The following MED31 variants were observed in gnomAD, a reference collection of about 807,000 sequenced individuals.
The protein encoded by MED31 is mediator complex subunit 31.
MED31 carries 11 observed loss-of-function variants against 22.0 expected under a neutral mutation model. That is an observed-to-expected ratio of 0.50 (90% CI 0.31 to 0.83). The LOEUF (loss-of-function observed/expected upper bound fraction) is 0.83, where lower values mean the gene tolerates loss of function less well. Ranked by LOEUF, MED31 falls within the 40% of genes least tolerant of loss-of-function variation. MED31 has a pLI of 0.04. For missense variants in MED31, 122 were observed against 155.3 expected (o/e 0.79, Z 1.14); for synonymous variants, 60 against 55.1 (o/e 1.09, Z -0.40).
At chr17:6,646,944 A>T (rs1430865978) in intron 3 of MED31, among the ~76,000 whole-genome samples, 1 of 152,210 alleles carries the variant, frequency 6.6e-6, no homozygotes, top group Non-Finnish European at 1.5e-5. Context: ...CTGAGATAGG[A>T]GAAAACCGCC....
At chr17:6,651,458 A>C (rs1435542874) in intron 1 of MED31, 43 bp downstream of exon 1, 1 of 1,613,494 alleles carries the variant, frequency 6.2e-7, no homozygotes, top group Non-Finnish European at 8.5e-7. Context: ...TGGGTCAAGG[A>C]GAGTTCCATC....
At chr17:6,649,666 T>C (rs995889630) in intron 3 of MED31, among the ~76,000 whole-genome samples, 1 of 152,178 alleles carries the variant, frequency 6.6e-6, no homozygotes, top group Non-Finnish European at 1.5e-5. Context: ...GGAAAGCCAT[T>C]GAAAGGTTCT....
chr17:6,648,726 C>G (rs1226956151), intron 3 of MED31, among the ~76,000 whole-genome samples: 1 of 152,190 alleles, frequency 6.6e-6, no homozygotes, highest in Non-Finnish European at 1.5e-5. Flanking sequence ...CATCCAGGGA[C>G]AAACAGACTG....
chr17:6,649,302 G>C (rs1418215626), intron 3 of MED31, among the ~76,000 whole-genome samples: 2 of 151,400 alleles, frequency 1.3e-5, no homozygotes, highest in Admixed American at 6.6e-5. Flanking sequence ...GCCTTAACAT[G>C]AAAGTGTCTG....
At chr17:6,644,797 G>T in intron 3 of MED31, 138 bp from the exon 4 acceptor site, 1 of 1,044,820 alleles carries the variant, frequency 9.6e-7, no homozygotes, top group Non-Finnish European at 1.3e-6. Context: ...GGTAGCATAG[G>T]GTTTTTTCCC....
intron 3 of MED31, among the ~76,000 whole-genome samples, chr17:6,645,581 C>T: frequency 6.6e-6 from 1 of 152,104 alleles, no homozygotes. Context: ...TATTCAGGAG[C>T]CAACTTGAAG....
At chr17:6,646,724 C>T (rs1257958914) in intron 3 of MED31, among the ~76,000 whole-genome samples, 1 of 152,218 alleles carries the variant, frequency 6.6e-6, no homozygotes, top group Non-Finnish European at 1.5e-5. Context: ...CCAGGTTTCC[C>T]CCAACTGAGA....
intron 3 of MED31, among the ~76,000 whole-genome samples, chr17:6,649,204 TG>T: frequency 1.3e-5 from 1 of 74,080 alleles, no homozygotes; most frequent in African/African-American, 1.0e-4. Context: ...CAAGGTGGGT[TG>T]GTTTTTTTTG....
In MED31 at chr17:6,644,319, A is replaced by G. The variant is rs986178273; in HGVS notation, c.*148T>C. 1.1e-5 allele frequency: 9 copies of G among 834,814 alleles called. No homozygotes were observed. The highest frequency in any genetic ancestry group is 1.4e-5 in the Non-Finnish European group (8 of 586,948). 51.7% of individuals were successfully genotyped at this position (834,814 alleles called of 1,614,324 possible). ...GTTTAACAGAAATAGTCTATTAACA[A>G]TAAAAAGTTGGATGAAAAAGCACAC... On this transcript the variant is annotated 3_prime_UTR_variant, in exon 4 of 4. Transcript: ENST00000225728.
At chr17:6,645,458 T>G (rs1364521653) in intron 3 of MED31, among the ~76,000 whole-genome samples, 1 of 152,088 alleles carries the variant, frequency 6.6e-6, no homozygotes, top group East Asian at 1.9e-4. Context: ...AGGAGCAGGT[T>G]TCCTTGGAGA....
intron 3 of MED31, among the ~76,000 whole-genome samples, chr17:6,649,397 C>T (rs570019376): frequency 6.6e-6 from 1 of 152,060 alleles, no homozygotes; most frequent in East Asian, 1.9e-4. Context: ...AAATAAGAGG[C>T]CTTAAATAAA....
chr17:6,648,877 G>A (rs1328650531), intron 3 of MED31, among the ~76,000 whole-genome samples: 2 of 152,036 alleles, frequency 1.3e-5, no homozygotes, highest in Non-Finnish European at 2.9e-5. Flanking sequence ...TCTCGGCAAC[G>A]TTGTGGGTAA....
At chr17:6,647,620 A>C (rs1169648394) in intron 3 of MED31, among the ~76,000 whole-genome samples, 2 of 152,222 alleles carry the variant, frequency 1.3e-5, no homozygotes, top group African/African-American at 4.8e-5. Flanking sequence ...GTAACTTCCA[A>C]GACAGCAAAG....
intron 3 of MED31, among the ~76,000 whole-genome samples, chr17:6,646,922 A>T (rs901627078): frequency 6.6e-6 from 1 of 152,182 alleles, no homozygotes; most frequent in African/African-American, 2.4e-5. Context: ...GACCATTCCC[A>T]TTCGTTCTAT....
rs1338213976 is a variant in MED31 at position 6,650,448 on chromosome 17, A to T, written c.29-15T>A. 6.2e-7 allele frequency: 1 copy of T among 1,613,130 alleles called. No homozygotes were observed. The highest frequency in any genetic ancestry group is 8.5e-7 in the Non-Finnish European group (1 of 1,179,304). Reference sequence around the variant, plus strand: ...TCCAGCATCATCTAGGAGACAAGACAGCAAAAATCATGGAAAACAAAGGTC... The same window carrying T: ...TCCAGCATCATCTAGGAGACAAGACTGCAAAAATCATGGAAAACAAAGGTC... On this transcript the variant is annotated splice_polypyrimidine_tract_variant and intron_variant, in intron 1 of 3. Coordinates refer to ENST00000225728, the MANE Select transcript of MED31 (RefSeq NM_016060.3).
chr17:6,650,207 G>C, intron 2 of MED31, 129 bp from the exon 3 acceptor site: 1 of 1,222,650 alleles, frequency 8.2e-7, no homozygotes, highest in Non-Finnish European at 1.2e-6. Context: ...CAAAACACAA[G>C]TCCCAGTACG....
intron 1 of MED31, 69 bp downstream of exon 1, chr17:6,651,432 C>A: frequency 6.2e-7 from 1 of 1,600,110 alleles, no homozygotes; most frequent in Non-Finnish European, 8.5e-7. Context: ...TGGAAGGAGG[C>A]CACGGGGAAG....
At chr17:6,649,724 TG>T (rs1429885622) in intron 3 of MED31, among the ~76,000 whole-genome samples, 3 of 152,226 alleles carry the variant, frequency 2.0e-5, no homozygotes, top group Admixed American at 6.5e-5. Flanking sequence ...AAGATTAAGC[TG>T]GTTTCTGTGT....
At position 6,651,120 on chromosome 17, in the gene MED31, C is replaced by CAAAAA. The variant is rs57965628; in HGVS notation, c.28+376_28+380dup. Among the ~76,000 whole-genome samples, 32 of 49,014 alleles carry CAAAAA rather than the reference C, an allele frequency of 6.5e-4. 1 individual carries two copies. The highest frequency in any genetic ancestry group is 0.03 in the Middle Eastern group (2 of 66). The allele number at this position is 49,014 out of a possible 152,430, so 32.2% of individuals were successfully genotyped here. On this transcript the variant is annotated intron_variant, in intron 1 of 3. Coordinates refer to ENST00000225728, the MANE Select transcript of MED31 (RefSeq NM_016060.3). ...TGGGCGACAGAGCCAGACGCTGTCT[C>CAAAAA]AAAAAAAAAAAAAAAAAGAAGCACC...
Sources: gnomAD v4.1 joint callset for allele counts (sites outside exome capture counted in the v4.1 genomes callset) on GRCh38, gnomAD v4.1.1 for gene constraint, MANE v1.5 for transcripts, NCBI Gene and HGNC (gene_info 2026-07-23, HGNC 2026-07-21) for gene names.